RP1: variants seen among roughly 807,000 people sequenced by gnomAD.
RP1 encodes the protein RP1 axonemal microtubule associated.
In RP1, 16 loss-of-function variants were observed where a neutral mutation model predicts 14.8. That is an observed-to-expected ratio of 1.08 (90% CI 0.73 to 1.65). RP1 has a LOEUF of 1.65. Ranked by LOEUF, RP1 falls within the 40% of genes most tolerant of loss-of-function variation. The pLI is 0.00. For missense variants in RP1, 2,631 were observed against 2,535.0 expected (o/e 1.04, Z -0.81); for synonymous variants, 876 against 883.6 (o/e 0.99, Z 0.15).
rs774787685 is a variant in RP1, at chr8:54,606,836, C to T, written c.-12-14119C>T. 3.4e-4 allele frequency among the ~76,000 whole-genome samples: 52 copies of T among 152,306 alleles called. No individual in the cohort carries two copies. In the East Asian group the frequency reaches 5.6e-3, roughly 16 times the overall value. ...TACCCTTTCTTCCAGTTGATCGAAT[C>T]GGCTACTGAGGCTTGTGCATTCGTC... On this transcript the variant is annotated intron_variant, in intron 1 of 22. Transcript: ENST00000636932.
intron 15 of RP1, among the ~76,000 whole-genome samples, chr8:54,709,639 T>C (rs941862137): frequency 6.6e-6 from 1 of 152,204 alleles, no homozygotes; most frequent in African/African-American, 2.4e-5. Context: ...CAGAATTTGA[T>C]ATACAGAACA....
intron 12 of RP1, among the ~76,000 whole-genome samples, chr8:54,694,786 AT>A (rs1240715699): frequency 6.6e-6 from 1 of 152,020 alleles, no homozygotes; most frequent in African/African-American, 2.4e-5. Flanking sequence ...GGATTCATTA[AT>A]TTTTTATAGG....
intron 5 of RP1, among the ~76,000 whole-genome samples, chr8:54,655,700 A>G (rs1806740598): frequency 6.6e-6 from 1 of 152,194 alleles, no homozygotes; most frequent in South Asian, 2.1e-4. Context: ...TTTGACATAA[A>G]CATTTCAAAA....
At chr8:54,754,735 T>C (rs1380285019) in intron 19 of RP1, 19 of 1,423,158 alleles carry the variant, frequency 1.3e-5, no homozygotes, top group Admixed American at 7.6e-5. Context: ...CTGGGATGCA[T>C]TGTGAATTCC....
intron 24 of RP1, among the ~76,000 whole-genome samples, chr8:54,825,792 T>G (rs186362373): frequency 2.0e-5 from 3 of 152,094 alleles, no homozygotes; most frequent in Admixed American, 1.3e-4. Flanking sequence ...ATATAAGAGA[T>G]AAAATAGGAT....
At chr8:54,643,803 C>T (rs548115472) in intron 3 of RP1, among the ~76,000 whole-genome samples, 3 of 152,232 alleles carry the variant, frequency 2.0e-5, no homozygotes, top group Non-Finnish European at 4.4e-5. Flanking sequence ...ATGCCTGACT[C>T]CATCTTTGTG....
At chr8:54,613,849 C>T (rs1311808966), upstream of RP1, among the ~76,000 whole-genome samples, 1 of 151,988 alleles carries the variant, frequency 6.6e-6, no homozygotes, top group African/African-American at 2.4e-5. Context: ...ACATATGGAT[C>T]GAAATGAAAT....
intron 24 of RP1, among the ~76,000 whole-genome samples, chr8:54,794,689 A>T (rs2129386180): frequency 6.6e-6 from 1 of 152,140 alleles, no homozygotes; most frequent in East Asian, 1.9e-4. Context: ...TGGCTATGAC[A>T]CCAGAAGCAC....
intron 1 of RP1, among the ~76,000 whole-genome samples, chr8:54,582,878 A>G (rs1209308292): frequency 1.3e-5 from 2 of 152,198 alleles, no homozygotes; most frequent in East Asian, 1.9e-4. Flanking sequence ...GAAGTTGCCT[A>G]TCAGCTTAAG....
At position 54,826,637 on chromosome 8, in the gene RP1, C is replaced by G. The variant is rs539268262; in HGVS notation, c.3616-10813C>G. On this transcript the variant is annotated intron_variant, in intron 24 of 28. Coordinates refer to the RP1 transcript ENST00000637698. ...AATAATCCAATCATAAATTCAGTCTCCAATGTAATGTATATTTTACAAACT... is the reference window on the plus strand; with the variant it reads ...AATAATCCAATCATAAATTCAGTCTGCAATGTAATGTATATTTTACAAACT... Among the ~76,000 whole-genome samples, 10 of 152,286 alleles carry G rather than the reference C, an allele frequency of 6.6e-5. No homozygotes were observed. In the South Asian group the frequency reaches 1.9e-3, roughly 28 times the overall value.
At chr8:54,853,555 C>T (rs919500399) in intron 26 of RP1, among the ~76,000 whole-genome samples, 2 of 152,172 alleles carry the variant, frequency 1.3e-5, no homozygotes, top group African/African-American at 2.4e-5. Flanking sequence ...ATTGTGGTTA[C>T]TCCATCCATG....
rs181732022 is a variant in RP1 at position 54,746,267 on chromosome 8, C to G, written c.2808+7238C>G. On this transcript the variant is annotated intron_variant, in intron 19 of 22. Transcript: ENST00000636932. ...GGTGAAAACCTAGTTTTTGACATAG[C>G]ATTTTGAGCAGGGAACACCTGCCCA... 2.6e-5 allele frequency among the ~76,000 whole-genome samples: 4 copies of G among 152,228 alleles called. No individual in the cohort carries two copies. In the East Asian group the frequency reaches 7.7e-4, roughly 29 times the overall value.
At chr8:54,661,333 G>T (rs1394365435) in intron 6 of RP1, among the ~76,000 whole-genome samples, 1 of 47,584 alleles carries the variant, frequency 2.1e-5, no homozygotes, top group African/African-American at 8.7e-5. Context: ...GAGAAAATTA[G>T]CTGGGCATGG....
At chr8:54,863,074 T>TATATATATATATATGC (rs1812386485) in intron 27 of RP1, among the ~76,000 whole-genome samples, 1 of 145,962 alleles carries the variant, frequency 6.9e-6, no homozygotes, top group African/African-American at 2.5e-5. Flanking sequence ...TATATATATA[T>TATATATATATATATGC]ATATGCAGAA....
At chr8:54,859,906 C>T (rs1812301007) in intron 27 of RP1, among the ~76,000 whole-genome samples, 1 of 152,122 alleles carries the variant, frequency 6.6e-6, no homozygotes. Flanking sequence ...AACCCCCAGA[C>T]TCTTGTTTTA....
At chr8:54,633,729 C>A (rs1344610597), downstream of RP1, among the ~76,000 whole-genome samples, 57 of 136,612 alleles carry the variant, frequency 4.2e-4, no homozygotes, top group African/African-American at 6.1e-4. Context: ...CTCTCTCTCT[C>A]TCTCTCTCTA....
At chr8:54,719,402 G>A (rs1423218424) in intron 15 of RP1, among the ~76,000 whole-genome samples, 2 of 152,138 alleles carry the variant, frequency 1.3e-5, no homozygotes, top group East Asian at 1.9e-4. Flanking sequence ...CACATTTGAG[G>A]GGAGACCAGA....
chr8:54,633,731 C>CTATATATA (rs1208711612), downstream of RP1, among the ~76,000 whole-genome samples: 9 of 134,408 alleles, frequency 6.7e-5, no homozygotes, highest in South Asian at 2.5e-4. Context: ...CTCTCTCTCT[C>CTATATATA]TCTCTCTATA....
chr8:54,575,841 A>C (rs1199334253), intron 1 of RP1, among the ~76,000 whole-genome samples: 1 of 152,098 alleles, frequency 6.6e-6, no homozygotes, highest in Non-Finnish European at 1.5e-5. Context: ...CTTTGTGTCC[A>C]TGAGTTCTCA....
Sources: allele counts gnomAD v4.1 joint callset (sites outside exome capture counted in the v4.1 genomes callset), GRCh38; gene constraint gnomAD v4.1.1; transcripts MANE v1.5; gene names NCBI Gene and HGNC (gene_info 2026-07-23, HGNC 2026-07-21).